The following SPTB variants were observed in gnomAD, a reference collection of about 807,000 sequenced individuals.
SPTB encodes spectrin beta, erythrocytic.
In SPTB, 45 loss-of-function variants were observed where a neutral mutation model predicts 256.2. That is an observed-to-expected ratio of 0.18 (90% CI 0.14 to 0.23). The LOEUF is 0.23. Ranked by LOEUF, SPTB falls within the 10% of genes least tolerant of loss-of-function variation. The probability of loss-of-function intolerance (pLI) is 1.00; values close to 1 mark genes in which losing one functional copy is unlikely to be tolerated. For missense variants in SPTB, 2,715 were observed against 3,040.4 expected (o/e 0.89, Z 2.52); for synonymous variants, 1,231 against 1,243.1 (o/e 0.99, Z 0.21).
intron 1 of SPTB, among the ~76,000 whole-genome samples, chr14:64,854,171 G>A (rs185510865): frequency 2.0e-5 from 3 of 150,838 alleles, no homozygotes; most frequent in African/African-American, 4.9e-5. Flanking sequence ...CAGCCTGGGC[G>A]ACAGAGTGAG....
Position 64,823,141 on chromosome 14 carries a change from G to T in SPTB, c.-47C>A. 4 of 1,611,504 alleles carry T rather than the reference G, an allele frequency of 2.5e-6. No homozygotes were observed. The highest frequency in any genetic ancestry group is 3.4e-6 in the Non-Finnish European group (4 of 1,177,818). On this transcript the variant is annotated 5_prime_UTR_variant, in exon 2 of 36. Transcript: ENST00000644917. This position sits in a 1 kb window ranked among gnomAD's most constrained non-coding sequence, Gnocchi z 6.5. The stretch of plus-strand genomic sequence containing the variant: ...CCGCCTGCCTCAGTCTTCATGGAAG[G>T]ATCCCTGGGGGACAGCAACACAGTC...
intron 9 of SPTB, among the ~76,000 whole-genome samples, chr14:64,799,404 C>T (rs576468114): frequency 6.6e-6 from 1 of 152,326 alleles, no homozygotes; most frequent in South Asian, 2.1e-4. Flanking sequence ...AGAAAACAAG[C>T]CCACAGCTCA....
At chr14:64,812,124 T>C (rs948000518) in intron 2 of SPTB, among the ~76,000 whole-genome samples, 1 of 152,228 alleles carries the variant, frequency 6.6e-6, no homozygotes, top group African/African-American at 2.4e-5. Context: ...AATTTTTGTA[T>C]TTTTAGTAGA....
intron 1 of SPTB, among the ~76,000 whole-genome samples, chr14:64,838,002 C>T (rs1342655569): frequency 1.3e-5 from 2 of 152,178 alleles, no homozygotes; most frequent in Non-Finnish European, 2.9e-5. Flanking sequence ...GGAGGACTTA[C>T]ATTACCTGAT....
chr14:64,773,381 C>A lies in SPTB; in HGVS notation c.5017G>T (p.Ala1673Ser), dbSNP rs756999416. ...RLQGQVDKHY[A>S]GLKDVAEERK... ...TCTTCCGCCACGTCCTTCAGCCCTGCGTAGTGCTTGTCCACTTGCCCCTGA... is the reference window on the plus strand; with the variant it reads ...TCTTCCGCCACGTCCTTCAGCCCTGAGTAGTGCTTGTCCACTTGCCCCTGA... The change falls in exon 25 of 36, where the codon GCA becomes TCA. Residue 1673 changes from alanine to serine, a missense_variant. Transcript: ENST00000644917. 5 of 1,614,176 alleles carry A rather than the reference C, an allele frequency of 3.1e-6. No individual in the cohort carries two copies. In the South Asian group the frequency reaches 3.3e-5, roughly 11 times the overall value.
At chr14:64,813,761 G>C (rs2083135983) in intron 2 of SPTB, among the ~76,000 whole-genome samples, 1 of 152,178 alleles carries the variant, frequency 6.6e-6, no homozygotes, top group Non-Finnish European at 1.5e-5. Flanking sequence ...CTTGACCTCA[G>C]GTGCTCCACC....
At chr14:64,867,722 C>T (rs1882271417) in intron 1 of SPTB, among the ~76,000 whole-genome samples, 1 of 151,948 alleles carries the variant, frequency 6.6e-6, no homozygotes, top group East Asian at 1.9e-4. Context: ...GGCATGGTGG[C>T]GGGCACCTGT....
rs1362835519 is a variant in SPTB, at chr14:64,758,509, GC to G, written c.6346-4717del. Among the ~76,000 whole-genome samples the G allele has an allele frequency of 6.6e-6, 1 of 152,252 alleles. No homozygotes were observed. The highest frequency in any genetic ancestry group is 1.5e-5 in the Non-Finnish European group (1 of 68,042). On this transcript the variant is annotated intron_variant, in intron 32 of 35. Coordinates refer to ENST00000644917, the MANE Select transcript of SPTB (RefSeq NM_001355436.2). This position sits in a 1 kb window ranked among gnomAD's most constrained non-coding sequence, Gnocchi z 4.6. ...GGGGCCCCAGAAGCCAAAGGCAGAG[GC>G]CCCAGGTCCGGCCAAAGACAACGGC...
intron 3 of SPTB, among the ~76,000 whole-genome samples, 156 bp from the exon 4 acceptor site, chr14:64,803,936 C>T (rs982969572): frequency 1.3e-5 from 2 of 152,248 alleles, no homozygotes; most frequent in African/African-American, 4.8e-5. Context: ...TCAATGCTTT[C>T]CTTTTAGCAA....
chr14:64,862,131 C>G (rs1881880368), intron 1 of SPTB, among the ~76,000 whole-genome samples: 1 of 152,210 alleles, frequency 6.6e-6, no homozygotes, highest in South Asian at 2.1e-4. Flanking sequence ...GCAGCTGCTT[C>G]CCACTTAACA....
At chr14:64,828,661 T>A (rs987118569) in intron 1 of SPTB, among the ~76,000 whole-genome samples, 1 of 152,338 alleles carries the variant, frequency 6.6e-6, no homozygotes, top group African/African-American at 2.4e-5. Flanking sequence ...TGTGACCCAG[T>A]CCTACCTCCT....
rs772437981 is a variant in SPTB, at chr14:64,748,514, C to T, written c.*792G>A. 1.3e-5 allele frequency: 2 copies of T among 152,412 alleles called. No homozygotes were observed. The highest frequency in any genetic ancestry group is 2.9e-5 in the Non-Finnish European group (2 of 68,208). The allele number at this position is 152,412 out of a possible 1,614,324, so 9.4% of individuals were successfully genotyped here. A position where few individuals can be genotyped will look rare whatever the true frequency, so the allele number is the denominator to read the frequency against. On this transcript the variant is annotated 3_prime_UTR_variant, in exon 36 of 36. Coordinates refer to ENST00000644917, the MANE Select transcript of SPTB (RefSeq NM_001355436.2). ...CGGTTTTCAATGAGGAATGGTCTGA[C>T]CTTGCTGCCCTTCCTGGGACCGCCT... is the stretch of plus-strand genomic sequence containing the variant.
intron 33 of SPTB, chr14:64,752,111 C>CAAAAG: frequency 8.4e-7 from 1 of 1,189,990 alleles, no homozygotes. Flanking sequence ...CAAAACAAAA[C>CAAAAG]AAAACACAAA....
At position 64,779,337 on chromosome 14, in the gene SPTB, C is replaced by G. The variant is rs1176516438; in HGVS notation, c.4474-91G>C. ...CATGGGCGGCGCAGAGCTTTGCTGG[C>G]AGTGTCTCCCCAGTTCCTCCCAACA... On this transcript the variant is annotated intron_variant, in intron 21 of 35. Transcript: ENST00000644917. This position sits in a 1 kb window ranked among gnomAD's most constrained non-coding sequence, Gnocchi z 4.2. The G allele has an allele frequency of 7.7e-6, 8 of 1,041,568 alleles. No individual in the cohort carries two copies. The highest frequency in any genetic ancestry group is 1.2e-5 in the Non-Finnish European group (8 of 682,484). The allele number at this position is 1,041,568 out of a possible 1,614,324, so 64.5% of individuals were successfully genotyped here. A position where few individuals can be genotyped will look rare whatever the true frequency, so the allele number is the denominator to read the frequency against.
intron 2 of SPTB, among the ~76,000 whole-genome samples, chr14:64,805,644 C>T (rs562064492): frequency 6.6e-6 from 1 of 152,220 alleles, no homozygotes; most frequent in East Asian, 1.9e-4. Context: ...TTGGTCACTT[C>T]TCTGTCTCCA....
At position 64,801,393 on chromosome 14, in the gene SPTB, G is replaced by A. The variant is rs542040700; in HGVS notation, c.655C>T (p.Leu219=). 2 of 1,613,868 alleles carry A rather than the reference G, an allele frequency of 1.2e-6. No homozygotes were observed. The highest frequency in any genetic ancestry group is 1.7e-5 in the Admixed American group (1 of 60,030). Residue 219 remains leucine, a synonymous_variant, in exon 7 of 36, where the codon CTG becomes TTG. Coordinates refer to ENST00000644917, the MANE Select transcript of SPTB (RefSeq NM_001355436.2). ...TCCTTCAGCTTATCAAAGTCGATCA[G>A]GTCGGGCCTGGGGACAAAACTGGAC... The part of the protein sequence containing the change: ...NALIHKHRPD[L]IDFDKLKDSN...
In SPTB at chr14:64,796,565, C is replaced by T. The variant is rs1594786052; in HGVS notation, c.1333G>A (p.Val445Met). ...ETWLSENQRL[V>M]AQDNFGYDLA... is the part of the protein sequence containing the mutation. Reference sequence around the variant, plus strand: ...AGCATGTCCCTCATTACCTGGGCCACGAGGCGCTGGTTTTCACTGAGCCAG... The same window carrying T: ...AGCATGTCCCTCATTACCTGGGCCATGAGGCGCTGGTTTTCACTGAGCCAG... The change falls in exon 11 of 36, where the codon GTG becomes ATG. Residue 445 changes from valine to methionine, a missense_variant. Around this residue, in one of 4 missense-constraint regions of SPTB, gnomAD observed 416 missense variants for 571.1 expected, o/e 0.73. Transcript: ENST00000644917. This position sits in a 1 kb window ranked among gnomAD's most constrained non-coding sequence, Gnocchi z 4.1. 3.1e-6 allele frequency: 5 copies of T among 1,614,178 alleles called. No individual in the cohort carries two copies. Among genetic ancestry groups the T allele is most frequent in the South Asian group, 1.1e-5 (1 of 91,084 alleles).
chr14:64,810,951 C>CA (rs1376662728), intron 2 of SPTB, among the ~76,000 whole-genome samples: 1 of 151,998 alleles, frequency 6.6e-6, no homozygotes, highest in East Asian at 1.9e-4. Context: ...TGCATCTCTA[C>CA]AAAAAAATTT....
rs1268146925 is a variant in SPTB at position 64,790,023 on chromosome 14, G to A, written c.2804+1696C>T. Among the ~76,000 whole-genome samples the A allele has an allele frequency of 6.6e-6, 1 of 152,134 alleles. No individual in the cohort carries two copies. The highest frequency in any genetic ancestry group is 2.4e-5 in the African/African-American group (1 of 41,418). On this transcript the variant is annotated intron_variant, in intron 15 of 35. Coordinates refer to ENST00000644917, the MANE Select transcript of SPTB (RefSeq NM_001355436.2). The surrounding 1 kb of genome is among the most constrained non-coding windows in gnomAD (Gnocchi z 4.8). ...CAGGGTAAGTGTGATATCTCTCAAG[G>A]GCAGAGCCAGAATCAATATGTACGC...
Sources: allele counts gnomAD v4.1 joint callset (sites outside exome capture counted in the v4.1 genomes callset), GRCh38; gene constraint gnomAD v4.1.1; regional missense constraint gnomAD v4.1.1; non-coding constraint Gnocchi (gnomAD v3.1); transcripts MANE v1.5; gene names NCBI Gene and HGNC (gene_info 2026-07-23, HGNC 2026-07-21).